Variants in AKT3 observed in about 807,000 individuals in gnomAD.
AKT3 encodes RAC-gamma serine/threonine-protein kinase.
A neutral mutation model predicts 65.3 loss-of-function variants in AKT3; 15 were observed. The ratio of observed to expected loss-of-function variants is 0.23; its 90% CI spans 0.15 to 0.35. AKT3 has a LOEUF of 0.35. Ranked by LOEUF, AKT3 falls within the 10% of genes least tolerant of loss-of-function variation. AKT3 has a pLI of 1.00. For synonymous variants in AKT3, 206 were observed against 183.8 expected, an observed-to-expected ratio of 1.12 and a Z score of -0.98; for missense variants, 243 against 576.5, an observed-to-expected ratio of 0.42 and a Z score of 5.92.
At chr1:243,683,985 C>A (rs184698790) in intron 3 of AKT3, among the ~76,000 whole-genome samples, 2 of 152,266 alleles carry the variant, frequency 1.3e-5, no homozygotes, top group South Asian at 2.1e-4. Context: ...TCTTTCTCAG[C>A]CTGCAGCAGC....
At chr1:243,763,228 C>G (rs1300438074) in intron 2 of AKT3, among the ~76,000 whole-genome samples, 1 of 152,046 alleles carries the variant, frequency 6.6e-6, no homozygotes, top group Non-Finnish European at 1.5e-5. Flanking sequence ...GAACTTAGAA[C>G]AATTTTATCA....
At chr1:243,563,037 C>T (rs1242895207) in intron 10 of AKT3, among the ~76,000 whole-genome samples, 1 of 152,092 alleles carries the variant, frequency 6.6e-6, no homozygotes, top group Non-Finnish European at 1.5e-5. Flanking sequence ...GTTTATGAAA[C>T]TTAAGACATT....
intron 2 of AKT3, chr1:243,741,814 T>C (rs1289743851): frequency 6.6e-6 from 1 of 152,150 alleles, no homozygotes; most frequent in Non-Finnish European, 1.5e-5. Context: ...AATTCTAAAA[T>C]GAAACCAAGA....
intron 2 of AKT3, among the ~76,000 whole-genome samples, chr1:243,757,365 C>T (rs1689201372): frequency 6.6e-6 from 1 of 152,188 alleles, no homozygotes; most frequent in African/African-American, 2.4e-5. Context: ...TGCCTGTAAA[C>T]CCAGCACTTT....
intron 3 of AKT3, among the ~76,000 whole-genome samples, chr1:243,694,932 T>C (rs1045525329): frequency 1.3e-5 from 2 of 152,004 alleles, no homozygotes; most frequent in African/African-American, 4.8e-5. Flanking sequence ...TAAAACACTT[T>C]ACTTCTAAAT....
At chr1:243,498,019 A>C (rs902275807), downstream of AKT3, among the ~76,000 whole-genome samples, 5 of 152,010 alleles carry the variant, frequency 3.3e-5, no homozygotes, top group South Asian at 1.0e-3. Context: ...ATTTATGCTT[A>C]TCCCTTTTGT....
intron 2 of AKT3, among the ~76,000 whole-genome samples, chr1:243,712,354 C>G (rs752899607): frequency 1.3e-5 from 2 of 152,074 alleles, no homozygotes; most frequent in Non-Finnish European, 2.9e-5. Context: ...TTATGAAAAG[C>G]AGAAAATAAC....
chr1:243,519,051 T>A (rs1670543835), intron 12 of AKT3, among the ~76,000 whole-genome samples: 1 of 152,148 alleles, frequency 6.6e-6, no homozygotes, highest in Non-Finnish European at 1.5e-5. Context: ...TAAAAATGGA[T>A]AACTTATTTT....
intron 2 of AKT3, among the ~76,000 whole-genome samples, chr1:243,794,768 A>G (rs1691847919): frequency 6.6e-6 from 1 of 152,242 alleles, no homozygotes; most frequent in African/African-American, 2.4e-5. Context: ...CTGCTCAAAA[A>G]TAAGAACCCA....
chr1:243,730,848 G>A (rs1572243157), intron 2 of AKT3, among the ~76,000 whole-genome samples: 1 of 152,190 alleles, frequency 6.6e-6, no homozygotes, highest in Admixed American at 6.5e-5. Context: ...CGTGTGGTAC[G>A]CCTGCTCCAG....
At chr1:243,847,341 T>C (rs1419482518) in intron 1 of AKT3, among the ~76,000 whole-genome samples, 2 of 152,182 alleles carry the variant, frequency 1.3e-5, no homozygotes, top group Non-Finnish European at 2.9e-5. Context: ...TATCAAATCA[T>C]GCTAAGCATC....
At chr1:243,756,363 T>C (rs1689137612) in intron 2 of AKT3, among the ~76,000 whole-genome samples, 1 of 152,148 alleles carries the variant, frequency 6.6e-6, no homozygotes, top group South Asian at 2.1e-4. Context: ...GAAGCAGGGA[T>C]ATCACAAGCG....
intron 2 of AKT3, among the ~76,000 whole-genome samples, chr1:243,774,385 T>C (rs1690412737): frequency 6.6e-6 from 1 of 152,178 alleles, no homozygotes; most frequent in African/African-American, 2.4e-5. Context: ...TTAATGTCTA[T>C]AAAATTGATC....
rs1669389729 is a variant in AKT3, at chr1:243,502,636, A to G, written c.*2613T>C. 8.6e-6 allele frequency: 2 copies of G among 233,128 alleles called. No individual in the cohort carries two copies. The highest frequency in any genetic ancestry group is 6.0e-5 in the East Asian group (1 of 16,604). The allele number at this position is 233,128 out of a possible 1,614,324, so 14.4% of individuals were successfully genotyped here. On this transcript the variant is annotated 3_prime_UTR_variant, in exon 14 of 14. Transcript: ENST00000673466. ...CCTCTACACGCATTTCTGGTTTTCT[A>G]TTATTCCTCCATGGCAGCTGACAGA...
intron 8 of AKT3, among the ~76,000 whole-genome samples, chr1:243,594,413 C>A (rs903231280): frequency 1.3e-5 from 2 of 152,090 alleles, no homozygotes; most frequent in Non-Finnish European, 2.9e-5. Flanking sequence ...GCAGAGGACA[C>A]AGAAGAGTCA....
chr1:243,622,110 A>G (rs1678801689), intron 6 of AKT3, among the ~76,000 whole-genome samples: 1 of 152,160 alleles, frequency 6.6e-6, no homozygotes, highest in African/African-American at 2.4e-5. Flanking sequence ...CCTTACAAAC[A>G]TCCTACACCA....
At chr1:243,712,741 A>C (rs1392861440) in intron 2 of AKT3, among the ~76,000 whole-genome samples, 3 of 152,148 alleles carry the variant, frequency 2.0e-5, no homozygotes, top group Non-Finnish European at 2.9e-5. Flanking sequence ...CTTCTCAATT[A>C]TTTAAGGTGA....
chr1:243,754,687 A>G (rs1169322615), intron 2 of AKT3, among the ~76,000 whole-genome samples: 1 of 152,188 alleles, frequency 6.6e-6, no homozygotes, highest in African/African-American at 2.4e-5. Flanking sequence ...TCTAGGTTGC[A>G]TGGTCCTTTG....
chr1:243,728,796 T>C (rs1025794107), intron 2 of AKT3, among the ~76,000 whole-genome samples: 7 of 152,214 alleles, frequency 4.6e-5, no homozygotes, highest in South Asian at 2.1e-4. Context: ...AAGAGTCATA[T>C]GCCAGACATC....
Sources: gnomAD v4.1 joint callset for allele counts (sites outside exome capture counted in the v4.1 genomes callset) on GRCh38, gnomAD v4.1.1 for gene constraint, MANE v1.5 for transcripts, NCBI Gene and HGNC (gene_info 2026-07-23, HGNC 2026-07-21) for gene names.